Variants in AFG3L2 observed in about 807,000 individuals in gnomAD.
AFG3L2 encodes mitochondrial inner membrane m-AAA protease component AFG3L2.
A neutral mutation model predicts 94.5 loss-of-function variants in AFG3L2; 54 were observed. That is an observed-to-expected ratio of 0.57 (90% CI 0.46 to 0.72). The LOEUF is 0.72. Among genes scored for constraint, AFG3L2 ranks in the 30% least tolerant of loss-of-function variants. AFG3L2 has a pLI of 0.00. For synonymous variants in AFG3L2, 377 were observed against 365.5 expected (o/e 1.03, Z -0.36); for missense variants, 754 against 994.9 (o/e 0.76, Z 3.26).
rs531301543 is a variant in AFG3L2 at position 12,351,159 on chromosome 18, G to A, written c.1478C>T (p.Pro493Leu). 16 of 1,613,944 alleles carry A rather than the reference G, an allele frequency of 9.9e-6. No individual in the cohort carries two copies. Among genetic ancestry groups the A allele is most frequent in the African/African-American group, 5.3e-5 (4 of 74,964 alleles). ...RASIFKVHLRPLKLDSTLEKD... is the reference protein window; with the variant it reads ...RASIFKVHLRLLKLDSTLEKD... ...CTCCAGGGTACTGTCCAGTTTTAGC[G>A]GTCGGAGATGAACTTTGAAAATAGA... The change falls in exon 12 of 17, where the codon CCG becomes CTG. Residue 493 changes from proline to leucine, a missense_variant. This residue lies in a region of AFG3L2 where 279 missense variants were observed against 378.6 expected (regional missense o/e 0.74). Coordinates refer to ENST00000269143, the MANE Select transcript of AFG3L2 (RefSeq NM_006796.3).
intron 13 of AFG3L2, 155 bp from the exon 14 acceptor site, chr18:12,344,402 C>T (rs1908057674): frequency 2.9e-6 from 2 of 677,978 alleles, no homozygotes; most frequent in African/African-American, 3.5e-5. Flanking sequence ...AGGCCAGGCG[C>T]AGTGGCTCAT....
chr18:12,360,264 T>C, intron 6 of AFG3L2: 1 of 548,472 alleles, frequency 1.8e-6, no homozygotes. Flanking sequence ...AGCATTTCTT[T>C]AGCAGCAATA....
At chr18:12,338,770 G>A (rs1050501101) in intron 15 of AFG3L2, among the ~76,000 whole-genome samples, 2 of 152,138 alleles carry the variant, frequency 1.3e-5, no homozygotes, top group South Asian at 4.2e-4. Context: ...ATGAAAAGAC[G>A]TGTCAATATT....
Position 12,358,754 on chromosome 18 carries a change from C to T in AFG3L2, c.942G>A (p.Glu314=), listed in dbSNP as rs746086254. The change falls in exon 8 of 17, where the codon GAG becomes GAA. Residue 314 remains glutamate (E), a synonymous_variant. Transcript: ENST00000269143. ...DVKFKDVAGC[E]EAKLEIMEFV... is the part of the protein sequence containing the mutation. ...ATTCCATGATCTCTAGCTTGGCCTCCTCACAGCCAGCCACATCTTTGAACT... is the reference window on the plus strand; with the variant it reads ...ATTCCATGATCTCTAGCTTGGCCTCTTCACAGCCAGCCACATCTTTGAACT... The T allele has an allele frequency of 8.1e-6, 13 of 1,614,132 alleles. No homozygotes were observed. In the East Asian group the frequency reaches 2.7e-4, roughly 33 times the overall value.
At chr18:12,350,169 C>T (rs553681180) in intron 12 of AFG3L2, among the ~76,000 whole-genome samples, 1 of 151,258 alleles carries the variant, frequency 6.6e-6, no homozygotes, top group East Asian at 2.0e-4. Context: ...CACCACCATG[C>T]CCGGCTAATT....
chr18:12,335,174 C>G (rs1001728426), intron 16 of AFG3L2, among the ~76,000 whole-genome samples: 2 of 152,146 alleles, frequency 1.3e-5, no homozygotes, highest in African/African-American at 4.8e-5. Context: ...GGATCTCACC[C>G]TGACAATGTA....
At chr18:12,332,856 CA>C (rs1907580782) in intron 16 of AFG3L2, among the ~76,000 whole-genome samples, 1 of 59,778 alleles carries the variant, frequency 1.7e-5, no homozygotes. Flanking sequence ...ACACACACAC[CA>C]TAGTTGTGGG....
At chr18:12,353,594 A>G (rs543488637) in intron 9 of AFG3L2, among the ~76,000 whole-genome samples, 2 of 152,076 alleles carry the variant, frequency 1.3e-5, no homozygotes, top group South Asian at 4.2e-4. Context: ...TGTGATACAC[A>G]CTGTAAGGTA....
chr18:12,350,219 C>T (rs1250170207), intron 12 of AFG3L2, among the ~76,000 whole-genome samples: 1 of 151,788 alleles, frequency 6.6e-6, no homozygotes, highest in Non-Finnish European at 1.5e-5. Flanking sequence ...CCATGTTAGC[C>T]AGGCTGGTCT....
At chr18:12,370,807 G>C in intron 3 of AFG3L2, 42 bp downstream of exon 3, 1 of 1,325,062 alleles carries the variant, frequency 7.5e-7, no homozygotes, top group Non-Finnish European at 1.1e-6. Flanking sequence ...TTATACATGA[G>C]GGGAAAACAC....
intron 8 of AFG3L2, 76 bp downstream of exon 8, chr18:12,358,593 AG>A: frequency 1.3e-6 from 2 of 1,508,928 alleles, no homozygotes; most frequent in Non-Finnish European, 1.8e-6. Context: ...ATCTATAATA[AG>A]TAATCAAACT....
At chr18:12,333,043 CTAT>C (rs1315953634) in intron 16 of AFG3L2, among the ~76,000 whole-genome samples, 2 of 17,764 alleles carry the variant, frequency 1.1e-4, no homozygotes, top group African/African-American at 2.0e-4. Context: ...AATATATAAT[CTAT>C]TATATAATAG....
chr18:12,350,503 T>C (rs537480991), intron 12 of AFG3L2, among the ~76,000 whole-genome samples: 1 of 152,240 alleles, frequency 6.6e-6, no homozygotes, highest in East Asian at 1.9e-4. Context: ...CACAAAATAC[T>C]CCCGAGGAAG....
Position 12,358,703 on chromosome 18 carries a change from C to T in AFG3L2, c.993G>A (p.Lys331=). The part of the protein sequence containing the change: ...MEFVNFLKNP[K]QYQDLGAKIP... ...TTTTTGCTCCTAGGTCTTGATACTG[C>T]TTTGGGTTTTTCAAGAAATTCACAA... The change falls in exon 8 of 17, where the codon AAG becomes AAA. Residue 331 remains lysine, a synonymous_variant. Transcript: ENST00000269143. The T allele has an allele frequency of 1.9e-6, 3 of 1,614,246 alleles. No individual in the cohort carries two copies. The highest frequency in any genetic ancestry group is 2.5e-6 in the Non-Finnish European group (3 of 1,180,046).
intron 15 of AFG3L2, among the ~76,000 whole-genome samples, chr18:12,339,231 T>A (rs1907856280): frequency 1.5e-5 from 1 of 66,296 alleles, no homozygotes; most frequent in Non-Finnish European, 2.7e-5. Context: ...ACCGAGACTC[T>A]GTCTCAAAAA....
intron 16 of AFG3L2, among the ~76,000 whole-genome samples, chr18:12,331,813 ATATATAT>A (rs1568131359): frequency 0.021 from 65 of 3,032 alleles, 2 homozygotes; most frequent in African/African-American, 0.028. Context: ...AAATAAATAT[ATATATAT>A]ATATATATAT....
chr18:12,334,940 A>G (rs751513887), intron 16 of AFG3L2, among the ~76,000 whole-genome samples: 1 of 152,182 alleles, frequency 6.6e-6, no homozygotes, highest in Non-Finnish European at 1.5e-5. Context: ...AGGGCCTGGG[A>G]CTTATGAAAG....
chr18:12,370,566 T>C (rs1448597602), intron 3 of AFG3L2, among the ~76,000 whole-genome samples: 1 of 148,648 alleles, frequency 6.7e-6, no homozygotes, highest in Non-Finnish European at 1.5e-5. Flanking sequence ...CAGGTGATTC[T>C]CCCACCTCAG....
chr18:12,344,824 C>A (rs1471389582), intron 13 of AFG3L2, among the ~76,000 whole-genome samples: 1 of 152,058 alleles, frequency 6.6e-6, no homozygotes, highest in East Asian at 1.9e-4. Flanking sequence ...CTGCTTTCAC[C>A]CTAACTCTCT....
Sources: gnomAD v4.1 joint callset for allele counts (sites outside exome capture counted in the v4.1 genomes callset) on GRCh38, gnomAD v4.1.1 for gene constraint, gnomAD v4.1.1 regional missense constraint, MANE v1.5 for transcripts, NCBI Gene and HGNC (gene_info 2026-07-23, HGNC 2026-07-21) for gene names.